Variants in IMMP2L observed in about 807,000 individuals in gnomAD.
The protein encoded by IMMP2L is mitochondrial inner membrane protease subunit 2.
In IMMP2L, 18 loss-of-function variants were observed where a neutral mutation model predicts 19.3. The ratio of observed to expected loss-of-function variants is 0.93; its 90% CI spans 0.64 to 1.38. The LOEUF is 1.38. Among genes scored for constraint, IMMP2L ranks in the 40% most tolerant of loss-of-function variants. The pLI is 0.00. For synonymous variants in IMMP2L, 76 were observed against 73.0 expected, an observed-to-expected ratio of 1.04 and a Z score of -0.21; for missense variants, 233 against 218.2, an observed-to-expected ratio of 1.07 and a Z score of -0.43.
At chr7:110,692,118 C>G (rs1793546389) in intron 5 of IMMP2L, among the ~76,000 whole-genome samples, 1 of 152,024 alleles carries the variant, frequency 6.6e-6, no homozygotes, top group Non-Finnish European at 1.5e-5. Flanking sequence ...TACACACTCC[C>G]CCCACAACAC....
chr7:110,732,751 T>C (rs1796350076), intron 5 of IMMP2L, among the ~76,000 whole-genome samples: 1 of 152,062 alleles, frequency 6.6e-6, no homozygotes, highest in Non-Finnish European at 1.5e-5. Context: ...GTGGTAAAAG[T>C]TGATGAATGG....
intron 5 of IMMP2L, among the ~76,000 whole-genome samples, chr7:110,878,007 C>T (rs1809251406): frequency 6.6e-6 from 1 of 152,148 alleles, no homozygotes; most frequent in African/African-American, 2.4e-5. Context: ...AAGCACTTAG[C>T]TTAGAAGTGC....
Position 111,341,172 on chromosome 7 carries a change from C to G in IMMP2L, c.239+146066G>C, listed in dbSNP as rs150607402. On this transcript the variant is annotated intron_variant, in intron 3 of 5. Coordinates refer to ENST00000405709, the MANE Select transcript of IMMP2L (RefSeq NM_032549.4). ...GAATAATTGGATTCTAGTAATAATT[C>G]GTCTACTAATCAGCTGTGTAATCAA... Among the ~76,000 whole-genome samples, 53 of 152,170 alleles carry G rather than the reference C, an allele frequency of 3.5e-4. No homozygotes were observed. In the East Asian group the frequency reaches 8.3e-3, roughly 24 times the overall value.
intron 3 of IMMP2L, among the ~76,000 whole-genome samples, chr7:111,239,105 T>G (rs1814689780): frequency 6.6e-6 from 1 of 151,924 alleles, no homozygotes; most frequent in Admixed American, 6.6e-5. Flanking sequence ...CAGACCATCT[T>G]TCTCATATGT....
intron 5 of IMMP2L, among the ~76,000 whole-genome samples, chr7:110,736,979 G>A (rs1383545683): frequency 6.6e-6 from 1 of 152,106 alleles, no homozygotes; most frequent in African/African-American, 2.4e-5. Context: ...GGGGATCAGG[G>A]GCGGAATGCT....
intron 3 of IMMP2L, among the ~76,000 whole-genome samples, chr7:111,111,353 T>A (rs113510660): frequency 1.4e-5 from 2 of 147,266 alleles, no homozygotes; most frequent in African/African-American, 5.0e-5. Context: ...ACATTGCCCA[T>A]TAACAAAAAT....
intron 4 of IMMP2L, among the ~76,000 whole-genome samples, chr7:110,915,050 CA>C: frequency 3.6e-5 from 2 of 56,306 alleles, no homozygotes; most frequent in Admixed American, 3.9e-4. Flanking sequence ...AAAAAATTAA[CA>C]ACAGAACTAT....
chr7:110,935,956 C>T (rs1380463456), intron 4 of IMMP2L, among the ~76,000 whole-genome samples: 3 of 152,032 alleles, frequency 2.0e-5, no homozygotes, highest in Non-Finnish European at 4.4e-5. Context: ...GGAAAGGATT[C>T]CCTATTTAAT....
chr7:110,999,624 C>A (rs112620215), intron 3 of IMMP2L, among the ~76,000 whole-genome samples: 1,823 of 146,140 alleles, frequency 0.012, 36 homozygotes, highest in African/African-American at 0.043. Flanking sequence ...AAAAAAAAAA[C>A]CAAGATACGT....
intron 5 of IMMP2L, among the ~76,000 whole-genome samples, chr7:110,804,677 C>T (rs902037856): frequency 1.3e-5 from 2 of 152,084 alleles, no homozygotes; most frequent in African/African-American, 4.8e-5. Flanking sequence ...AATGCAATTT[C>T]TAGTTATTTT....
chr7:111,107,768 G>T (rs866059997), intron 3 of IMMP2L, among the ~76,000 whole-genome samples: 1 of 152,046 alleles, frequency 6.6e-6, no homozygotes, highest in African/African-American at 2.4e-5. Context: ...AACTCCCAAA[G>T]ATTTATTTGC....
chr7:111,003,911 T>A (rs936284203), intron 3 of IMMP2L, among the ~76,000 whole-genome samples: 7 of 152,226 alleles, frequency 4.6e-5, no homozygotes, highest in African/African-American at 1.7e-4. Context: ...CAAATTTTTT[T>A]AAAAAGTAGT....
At chr7:110,893,119 A>G (rs1810976281) in intron 4 of IMMP2L, among the ~76,000 whole-genome samples, 1 of 152,176 alleles carries the variant, frequency 6.6e-6, no homozygotes, top group Non-Finnish European at 1.5e-5. Flanking sequence ...AGTGCTTACA[A>G]AAATTATGTT....
intron 3 of IMMP2L, among the ~76,000 whole-genome samples, chr7:111,358,438 A>G (rs202098314): frequency 9.8e-6 from 1 of 102,338 alleles, no homozygotes; most frequent in Non-Finnish European, 1.8e-5. Context: ...CTACCTAAGG[A>G]AAAAAAATCA....
chr7:111,498,048 G>C (rs962480287), intron 2 of IMMP2L, among the ~76,000 whole-genome samples: 4 of 151,832 alleles, frequency 2.6e-5, no homozygotes, highest in Non-Finnish European at 4.4e-5. Flanking sequence ...TGTTTTTGAA[G>C]GGGAAAGCAT....
intron 3 of IMMP2L, among the ~76,000 whole-genome samples, chr7:111,117,649 T>C (rs1302465824): frequency 6.6e-6 from 1 of 152,062 alleles, no homozygotes; most frequent in Non-Finnish European, 1.5e-5. Flanking sequence ...ACAATACCTC[T>C]GGGATATGGA....
chr7:111,148,750 ATG>A (rs144054396), intron 3 of IMMP2L, among the ~76,000 whole-genome samples: 8 of 149,342 alleles, frequency 5.4e-5, no homozygotes, highest in Admixed American at 1.3e-4. Flanking sequence ...ACATACGTGT[ATG>A]TGTGTGTGTG....
chr7:110,898,682 T>G (rs576724827), intron 4 of IMMP2L, among the ~76,000 whole-genome samples: 1 of 152,168 alleles, frequency 6.6e-6, no homozygotes, highest in South Asian at 2.1e-4. Flanking sequence ...AAATTACAAG[T>G]GAAAGATTTA....
rs1585273852 is a variant in IMMP2L, at chr7:111,479,666, A to G, written c.239+7572T>C. The stretch of plus-strand genomic sequence containing the variant: ...TCCTTACATATAATATTTAACGTGT[A>G]TTTGGGAGGTCCTTTGCAAATGCCG... On this transcript the variant is annotated intron_variant, in intron 3 of 5. Transcript: ENST00000405709. 3.3e-5 allele frequency among the ~76,000 whole-genome samples: 5 copies of G among 152,214 alleles called. No individual in the cohort carries two copies. The South Asian group carries it at 1.0e-3, about 32-fold the overall frequency.
Sources: gnomAD v4.1 joint callset for allele counts (sites outside exome capture counted in the v4.1 genomes callset) on GRCh38, gnomAD v4.1.1 for gene constraint, MANE v1.5 for transcripts, NCBI Gene and HGNC (gene_info 2026-07-23, HGNC 2026-07-21) for gene names.